The following NNMT variants were observed in gnomAD, a reference collection of about 807,000 sequenced individuals.
NNMT encodes the protein nicotinamide N-methyltransferase.
In NNMT, 10 loss-of-function variants were observed where a neutral mutation model predicts 11.7. That is an observed-to-expected ratio of 0.85 (90% confidence interval 0.53 to 1.45). The LOEUF (loss-of-function observed/expected upper bound fraction) is 1.45, where lower values mean the gene tolerates loss of function less well. NNMT is among the 40% of genes most tolerant of loss of function. NNMT has a pLI of 0.00. For missense variants in NNMT, 381 were observed against 319.4 expected, an observed-to-expected ratio of 1.19 and a Z score of -1.47; for synonymous variants, 143 against 133.8, an observed-to-expected ratio of 1.07 and a Z score of -0.48.
chr11:114,296,787 G>A, intron 1 of NNMT, 77 bp downstream of exon 1: 1 of 1,430,676 alleles, frequency 7.0e-7, no homozygotes, highest in Non-Finnish European at 9.7e-7. Flanking sequence ...TGGGTTTTGT[G>A]TCTCTCGTTG....
Position 114,298,002 on chromosome 11 carries a change from AT to A in NNMT, c.207del (p.Gln70SerfsTer29). 6.2e-7 allele frequency: 1 copy of A among 1,613,776 alleles called. No homozygotes were observed. Among genetic ancestry groups the A allele is most frequent in the Non-Finnish European group, 8.5e-7 (1 of 1,180,012 alleles). On this transcript the variant is annotated frameshift_variant, in exon 2 of 3. Transcript: ENST00000299964. LOFTEE classifies it high-confidence loss of function. ...GACATCGGCTCTGGCCCCACTATCT[AT>A]CAGCTCCTCTCTGCTTGTGAATCCT... Reference protein sequence around the residue: ...LIDIGSGPTIYQLLSACESFK... With the variant: ...LIDIGSGPTIXQLLSACESFK...
intron 2 of NNMT, among the ~76,000 whole-genome samples, chr11:114,264,785 A>T (rs1945107947): frequency 6.6e-6 from 1 of 152,224 alleles, no homozygotes; most frequent in African/African-American, 2.4e-5. Flanking sequence ...GAACTTAGGG[A>T]AACATCTACA....
intron 1 of NNMT, among the ~76,000 whole-genome samples, chr11:114,260,902 T>G (rs1421929088): frequency 1.3e-5 from 2 of 152,294 alleles, no homozygotes. Flanking sequence ...CCGCGTGACC[T>G]TCACTGTATC....
intron 2 of NNMT, among the ~76,000 whole-genome samples, chr11:114,281,246 G>A (rs1005775070): frequency 8.5e-5 from 13 of 152,274 alleles, no homozygotes; most frequent in Admixed American, 6.5e-4. Flanking sequence ...CACTAGATCC[G>A]TTCAATGGCT....
At chr11:114,258,603 CTGCTT>C (rs1945049702) in intron 1 of NNMT, among the ~76,000 whole-genome samples, 1 of 152,384 alleles carries the variant, frequency 6.6e-6, no homozygotes, top group African/African-American at 2.4e-5. Context: ...CTTCCATCCT[CTGCTT>C]TGCTTGCTGC....
intron 2 of NNMT, among the ~76,000 whole-genome samples, chr11:114,271,505 C>T (rs1248046790): frequency 1.3e-5 from 2 of 152,124 alleles, no homozygotes; most frequent in African/African-American, 4.8e-5. Flanking sequence ...CACACTTATC[C>T]CCACTACATG....
At position 114,281,873 on chromosome 11, in the gene NNMT, C is replaced by A. The variant is rs1945265516; in HGVS notation, c.-129-14555C>A. ...TTAGCTTTCTGGCAGGCCTTTTTCT[C>A]TGGGGGAATGTCTTCTTCACTGTGC... On this transcript the variant is annotated intron_variant, in intron 2 of 4. Transcript: ENST00000535401. Among the ~76,000 whole-genome samples, 4 of 152,108 alleles carry A rather than the reference C, an allele frequency of 2.6e-5. No homozygotes were observed. In the South Asian group the frequency reaches 8.3e-4, roughly 32 times the overall value.
At chr11:114,295,511 G>GC (rs1945367547), upstream of NNMT, among the ~76,000 whole-genome samples, 1 of 130,268 alleles carries the variant, frequency 7.7e-6, no homozygotes. Context: ...TGCAAGCTCC[G>GC]CCCCCCGGGT....
intron 2 of NNMT, among the ~76,000 whole-genome samples, chr11:114,287,069 A>G (rs1945305457): frequency 6.6e-6 from 1 of 152,062 alleles, no homozygotes; most frequent in African/African-American, 2.4e-5. Context: ...GGTCTGTTCA[A>G]GTTTTTTGTT....
chr11:114,302,816 G>A (rs980737315), intron 2 of NNMT, among the ~76,000 whole-genome samples: 1 of 152,098 alleles, frequency 6.6e-6, no homozygotes, highest in African/African-American at 2.4e-5. Flanking sequence ...AGGTCATTAG[G>A]TCATGGAGGT....
upstream of NNMT, among the ~76,000 whole-genome samples, chr11:114,295,485 C>T (rs1270936828): frequency 5.5e-5 from 7 of 127,834 alleles, no homozygotes; most frequent in Admixed American, 9.6e-5. Flanking sequence ...AGTGCAGTGG[C>T]GCCATCTTGG....
intron 2 of NNMT, among the ~76,000 whole-genome samples, chr11:114,263,092 C>G (rs75059761): frequency 0.045 from 6,792 of 152,218 alleles, 169 homozygotes; most frequent in East Asian, 0.074. Flanking sequence ...CACCCCCATC[C>G]CAAGCATGGG....
intron 2 of NNMT, among the ~76,000 whole-genome samples, chr11:114,264,641 A>ACTT: frequency 6.6e-6 from 1 of 152,292 alleles, no homozygotes; most frequent in South Asian, 2.1e-4. Context: ...GTTCAGTCCC[A>ACTT]CAAAAGCGCC....
intron 1 of NNMT, chr11:114,262,698 G>A (rs981459353): frequency 1.3e-5 from 2 of 152,090 alleles, no homozygotes. Context: ...CCTCCAACAC[G>A]AAACTTCTAG....
intron 2 of NNMT, among the ~76,000 whole-genome samples, chr11:114,301,622 A>T (rs1209409962): frequency 6.6e-6 from 1 of 152,084 alleles, no homozygotes; most frequent in Admixed American, 6.6e-5. Flanking sequence ...GGAGGGAGAG[A>T]TAAATAGGTG....
chr11:114,293,331 C>T (rs544802791), upstream of NNMT, among the ~76,000 whole-genome samples: 2 of 152,106 alleles, frequency 1.3e-5, no homozygotes, highest in African/African-American at 2.4e-5. Flanking sequence ...TAATACCACA[C>T]AGGTTTCCTT....
chr11:114,298,898 A>G (rs1326309741), intron 2 of NNMT, among the ~76,000 whole-genome samples: 1 of 152,162 alleles, frequency 6.6e-6, no homozygotes, highest in East Asian at 1.9e-4. Flanking sequence ...TCTTTCTCAT[A>G]TCCTTATGCA....
chr11:114,262,723 A>G (rs1945093044), intron 1 of NNMT: 1 of 152,206 alleles, frequency 6.6e-6, no homozygotes, highest in Non-Finnish European at 1.5e-5. Flanking sequence ...CTAGGACTCT[A>G]GGACTCTACT....
chr11:114,293,431 G>A (rs1294889851), upstream of NNMT, among the ~76,000 whole-genome samples: 2 of 152,088 alleles, frequency 1.3e-5, no homozygotes, highest in Admixed American at 6.5e-5. Context: ...GGAATTGCCA[G>A]AATAGAGCTG....
Sources: allele counts gnomAD v4.1 joint callset (sites outside exome capture counted in the v4.1 genomes callset), GRCh38; gene constraint gnomAD v4.1.1; transcripts MANE v1.5; gene names NCBI Gene and HGNC (gene_info 2026-07-23, HGNC 2026-07-21).